Variants in UPF3A observed in about 807,000 individuals in gnomAD.
UPF3A encodes UPF3A regulator of nonsense mediated mRNA decay.
Under a neutral mutation model 53.5 loss-of-function variants are expected in UPF3A, and 42 were observed. The observed-to-expected ratio is 0.78, with a 90% CI of 0.61 to 1.01. The LOEUF (loss-of-function observed/expected upper bound fraction) is 1.01, where lower values mean the gene tolerates loss of function less well. UPF3A is among the 50% of genes least tolerant of loss of function. UPF3A has a pLI of 0.00. For synonymous variants in UPF3A, 237 were observed against 225.3 expected (o/e 1.05, Z -0.47); for missense variants, 575 against 598.0 (o/e 0.96, Z 0.40).
At chr13:114,291,119 C>T (rs1700445618) in intron 5 of UPF3A, among the ~76,000 whole-genome samples, 1 of 152,180 alleles carries the variant, frequency 6.6e-6, no homozygotes, top group South Asian at 2.1e-4. Context: ...TAAGACATTA[C>T]AAGAATCCAT....
chr13:114,304,554 A>G (rs547051372), intron 9 of UPF3A, among the ~76,000 whole-genome samples: 5 of 152,292 alleles, frequency 3.3e-5, no homozygotes, highest in Admixed American at 3.3e-4. Context: ...CACAGATTAC[A>G]TGTTCTTGTT....
intron 3 of UPF3A, chr13:114,283,965 G>A (rs2084392188): frequency 1.0e-6 from 1 of 985,416 alleles, no homozygotes; most frequent in Non-Finnish European, 1.2e-6. Context: ...ATAAGCATTA[G>A]CCAAGCTAGT....
chr13:114,286,274 G>C (rs982046359), intron 3 of UPF3A, 28 bp from the exon 4 acceptor site: 1 of 1,608,982 alleles, frequency 6.2e-7, no homozygotes, highest in Admixed American at 1.7e-5. Flanking sequence ...TTTCAGAATG[G>C]CTTCTGGAAC....
At chr13:114,292,126 C>G (rs1025205444) in intron 7 of UPF3A, among the ~76,000 whole-genome samples, 8 of 147,210 alleles carry the variant, frequency 5.4e-5, no homozygotes, top group African/African-American at 2.0e-4. Flanking sequence ...TTCCAACTTT[C>G]ATTTTCGGCT....
chr13:114,291,665 G>C lies in UPF3A; in HGVS notation c.719G>C (p.Arg240Thr). ...CGAGAAGAGAAGCGAGAAGAACGGA[G>C]GAGGAGAGAGTTAGAAAAGAAACGT... ...RIREEKREER[R>T]RRELEKKRLR... Residue 240 changes from arginine (R) to threonine (T), a missense_variant, in exon 7 of 10, where the codon AGG (arginine) becomes ACG (threonine). Coordinates refer to ENST00000375299, the MANE Select transcript of UPF3A (RefSeq NM_023011.4). 1 of 1,608,148 alleles carries C rather than the reference G, an allele frequency of 6.2e-7. No homozygotes were observed. The highest frequency in any genetic ancestry group is 8.5e-7 in the Non-Finnish European group (1 of 1,178,366).
intron 7 of UPF3A, among the ~76,000 whole-genome samples, chr13:114,294,207 G>A (rs965677685): frequency 1.3e-5 from 2 of 151,342 alleles, no homozygotes; most frequent in African/African-American, 2.4e-5. Context: ...AAAAGAAGGT[G>A]TATCAACAGC....
At chr13:114,289,693 TGCATCGGCCTTTA>T (rs540738860) in intron 5 of UPF3A, among the ~76,000 whole-genome samples, 25 of 152,200 alleles carry the variant, frequency 1.6e-4, no homozygotes, top group Admixed American at 5.9e-4. Flanking sequence ...GTTAGTCTGG[TGCATCGGCCTTTA>T]GCATCGGCCT....
intron 7 of UPF3A, among the ~76,000 whole-genome samples, chr13:114,295,502 G>T (rs1248942832): frequency 1.3e-5 from 2 of 152,170 alleles, no homozygotes; most frequent in African/African-American, 4.8e-5. Flanking sequence ...CCTCCACAGG[G>T]ACTTCCCCAG....
intron 7 of UPF3A, among the ~76,000 whole-genome samples, chr13:114,296,330 C>T (rs368969377): frequency 2.6e-5 from 4 of 151,984 alleles, no homozygotes; most frequent in African/African-American, 7.3e-5. Context: ...TACAGTGAGC[C>T]GAGATCGCGT....
chr13:114,291,927 C>A (rs763242906), intron 7 of UPF3A, 135 bp downstream of exon 7: 23 of 1,194,062 alleles, frequency 1.9e-5, no homozygotes, highest in African/African-American at 4.7e-5. Flanking sequence ...TTTTTTCCAT[C>A]TTTTCCATCT....
At position 114,296,122 on chromosome 13, in the gene UPF3A, C is replaced by T. The variant is rs555852782; in HGVS notation, c.847-2718C>T. Among the ~76,000 whole-genome samples, 7 of 152,304 alleles carry T rather than the reference C, an allele frequency of 4.6e-5. No homozygotes were observed. The East Asian group carries it at 7.7e-4, about 17-fold the overall frequency. On this transcript the variant is annotated intron_variant, in intron 7 of 9. Coordinates refer to ENST00000375299, the MANE Select transcript of UPF3A (RefSeq NM_023011.4). ...TCCAGGGGCCAGGCACAGTGGCTCA[C>T]GCCTGTAATCCCAGCTCTTTGGGGG... is the stretch of plus-strand genomic sequence containing the variant.
At position 114,305,122 on chromosome 13, in the gene UPF3A, T is replaced by A. The variant is rs1332429647; in HGVS notation, c.*205T>A. 7.2e-6 allele frequency: 4 copies of A among 557,770 alleles called. No homozygotes were observed. In the African/African-American group the frequency reaches 7.7e-5, roughly 11 times the overall value. 34.6% of individuals were successfully genotyped at this position (557,770 alleles called of 1,614,324 possible). ...AATTGAGCAGAATTCTCACAGATTTTACCATTCCTGTTATAAACTAGTATT... is the reference window on the plus strand; with the variant it reads ...AATTGAGCAGAATTCTCACAGATTTAACCATTCCTGTTATAAACTAGTATT... On this transcript the variant is annotated 3_prime_UTR_variant, in exon 10 of 10. Transcript: ENST00000375299.
Position 114,281,877 on chromosome 13 carries a change from G to T in UPF3A, c.207+31G>T, listed in dbSNP as rs746874033. The T allele has an allele frequency of 9.4e-6, 14 of 1,483,034 alleles. No homozygotes were observed. The Admixed American group carries it at 2.1e-4, about 22-fold the overall frequency. 91.9% of individuals were successfully genotyped at this position (1,483,034 alleles called of 1,614,324 possible). ...GACGGGGGCGGGGCGCGCAAACCTC[G>T]CGAGGAGAGGACGGCCCTGAGTGGA... is the stretch of plus-strand genomic sequence containing the variant. On this transcript the variant is annotated intron_variant, in intron 1 of 9. Coordinates refer to ENST00000375299, the MANE Select transcript of UPF3A (RefSeq NM_023011.4).
At chr13:114,298,689 C>T (rs1272677549) in intron 7 of UPF3A, 151 bp from the exon 8 acceptor site, 9 of 795,120 alleles carry the variant, frequency 1.1e-5, no homozygotes, top group Non-Finnish European at 1.6e-5. Context: ...ACGTATTAAA[C>T]CAAAAACCTC....
At chr13:114,291,823 A>G (rs947667410) in intron 7 of UPF3A, 31 bp downstream of exon 7, 9 of 1,563,342 alleles carry the variant, frequency 5.8e-6, no homozygotes, top group Non-Finnish European at 7.8e-6. Context: ...CCTTTTTCCA[A>G]AAATAGCTCT....
chr13:114,286,603 T>A lies in UPF3A; in HGVS notation c.605T>A (p.Met202Lys). The A allele has an allele frequency of 6.2e-7, 1 of 1,613,460 alleles. No homozygotes were observed. Among genetic ancestry groups the A allele is most frequent in the Non-Finnish European group, 8.5e-7 (1 of 1,179,764 alleles). Residue 202 changes from methionine (M) to lysine (K), a missense_variant, in exon 5 of 10, where the codon ATG becomes AAG. By Grantham distance (95) the Met-to-Lys change is moderately conservative. Transcript: ENST00000375299. ...AACCCTGAGACTCTGCTGGGGGAGATGGAGGCGAAGACAAGAGAGCTCATT... is the reference window on the plus strand; with the variant it reads ...AACCCTGAGACTCTGCTGGGGGAGAAGGAGGCGAAGACAAGAGAGCTCATT... ...SANPETLLGEMEAKTRELIAR... is the reference protein window; with the variant it reads ...SANPETLLGEKEAKTRELIAR...
At position 114,286,366 on chromosome 13, in the gene UPF3A, A is replaced by T. The variant is rs768707129; in HGVS notation, c.486A>T (p.Arg162Ser). The T allele has an allele frequency of 6.2e-7, 1 of 1,614,170 alleles. No individual in the cohort carries two copies. Among genetic ancestry groups the T allele is most frequent in the Non-Finnish European group, 8.5e-7 (1 of 1,180,012 alleles). The change falls in exon 4 of 10, where the codon AGA becomes AGT. Residue 162 changes from arginine (R) to serine (S), a missense_variant. Transcript: ENST00000375299. ...PFQKIAKKKL[R>S]KKDAKTGSIE... is the part of the protein sequence containing the mutation. ...AGAAGATAGCCAAAAAGAAGCTGAG[A>T]AAAAAAGATGCCAAGACTGGAAGCA... is the stretch of plus-strand genomic sequence containing the variant.
At chr13:114,301,201 C>G (rs956249274) in intron 8 of UPF3A, among the ~76,000 whole-genome samples, 3 of 151,920 alleles carry the variant, frequency 2.0e-5, no homozygotes, top group African/African-American at 7.3e-5. Context: ...GTGGCTCACA[C>G]CTGTAATCCC....
intron 1 of UPF3A, 24 bp from the exon 2 acceptor site, chr13:114,281,997 G>A (rs1373480079): frequency 1.3e-6 from 2 of 1,540,238 alleles, no homozygotes; most frequent in Non-Finnish European, 1.7e-6. Context: ...CGCCCCGGTG[G>A]GAACGGCCGC....
Sources: gnomAD v4.1 joint callset for allele counts (sites outside exome capture counted in the v4.1 genomes callset) on GRCh38, gnomAD v4.1.1 for gene constraint, MANE v1.5 for transcripts, NCBI Gene and HGNC (gene_info 2026-07-23, HGNC 2026-07-21) for gene names.